Variants in OTUD7B observed in about 807,000 individuals in gnomAD.
OTUD7B encodes the protein OTU deubiquitinase 7B.
Under a neutral mutation model 82.2 loss-of-function variants are expected in OTUD7B, and 34 were observed. That is an observed-to-expected ratio of 0.41 (90% CI 0.31 to 0.55). The LOEUF (loss-of-function observed/expected upper bound fraction) is 0.55. Among genes scored for constraint, OTUD7B ranks in the 20% least tolerant of loss-of-function variants. The probability of loss-of-function intolerance (pLI) is 0.20; values close to 1 mark genes in which losing one functional copy is unlikely to be tolerated. For synonymous variants in OTUD7B, 398 were observed against 402.7 expected (o/e 0.99, Z 0.14); for missense variants, 944 against 1,062.1 (o/e 0.89, Z 1.55).
At chr1:150,014,111 G>T (rs1553788057), upstream of OTUD7B, among the ~76,000 whole-genome samples, 4 of 382 alleles carry the variant, frequency 0.01, no homozygotes, top group South Asian at 0.045. Flanking sequence ...TATATAGTAG[G>T]GGCTCAGCCA....
intron 6 of OTUD7B, among the ~76,000 whole-genome samples, chr1:149,960,504 C>CCTCT (rs1321799742): frequency 2.7e-5 from 4 of 150,174 alleles, no homozygotes; most frequent in South Asian, 2.1e-4. Context: ...CCTGCCTCAG[C>CCTCT]CTCTCGAGTA....
the OTUD7B span, among the ~76,000 whole-genome samples, chr1:150,064,765 C>T: frequency 6.6e-6 from 1 of 152,168 alleles, no homozygotes; most frequent in Non-Finnish European, 1.5e-5. Context: ...TTACTTCCTT[C>T]CTATCCATGG....
chr1:150,044,619 G>A, the OTUD7B span, among the ~76,000 whole-genome samples: 19 of 150,246 alleles, frequency 1.3e-4, no homozygotes, highest in Non-Finnish European at 2.5e-4. Context: ...GCAGTGAGCC[G>A]AGATCACACC....
chr1:150,036,224 G>T, the OTUD7B span, among the ~76,000 whole-genome samples: 3 of 149,358 alleles, frequency 2.0e-5, no homozygotes, highest in African/African-American at 7.4e-5. Context: ...AAAGTGCTGG[G>T]ATTACTGGCA....
At chr1:149,949,415 G>T (rs12082035) in intron 9 of OTUD7B, among the ~76,000 whole-genome samples, 7,507 of 151,624 alleles carry the variant, frequency 0.05, 642 homozygotes, top group African/African-American at 0.17. Flanking sequence ...TTAATCATAA[G>T]CCTTTACTCC....
intron 1 of OTUD7B, among the ~76,000 whole-genome samples, chr1:150,000,227 A>G (rs1553784408): frequency 6.6e-6 from 1 of 152,004 alleles, no homozygotes; most frequent in Non-Finnish European, 1.5e-5. Context: ...GTAATCCAAC[A>G]CTTTGGGAGA....
At chr1:150,037,364 G>T in the OTUD7B span, among the ~76,000 whole-genome samples, 22 of 151,596 alleles carry the variant, frequency 1.5e-4, no homozygotes, top group East Asian at 3.9e-3. Flanking sequence ...CACTAAAATG[G>T]CAGTAAAGGC....
the OTUD7B span, among the ~76,000 whole-genome samples, chr1:150,020,862 A>G: frequency 6.6e-6 from 1 of 152,164 alleles, no homozygotes; most frequent in East Asian, 1.9e-4. Flanking sequence ...CACCTAAATA[A>G]CAACTGACAC....
chr1:149,980,310 G>A (rs587599741), intron 1 of OTUD7B, among the ~76,000 whole-genome samples: 1 of 151,776 alleles, frequency 6.6e-6, no homozygotes, highest in South Asian at 2.1e-4. Flanking sequence ...GGTGCATGCT[G>A]TGGACCCTGA....
In OTUD7B at chr1:149,967,283, C is replaced by T. The variant is rs782071860; in HGVS notation, c.502+11G>A. The T allele has an allele frequency of 1.9e-6, 3 of 1,588,572 alleles. No individual in the cohort carries two copies. The highest frequency in any genetic ancestry group is 1.7e-6 in the Non-Finnish European group (2 of 1,157,724). On this transcript the variant is annotated intron_variant, in intron 4 of 11. Transcript: ENST00000581312. Reference sequence around the variant, plus strand: ...AGAGGGAAGAGTGTGGGAGAGGAAGCACTCACTGACCTGCCTGTTCCAAGG... The same window carrying T: ...AGAGGGAAGAGTGTGGGAGAGGAAGTACTCACTGACCTGCCTGTTCCAAGG...
chr1:150,006,913 T>C (rs189475714), intron 1 of OTUD7B, among the ~76,000 whole-genome samples: 38 of 152,328 alleles, frequency 2.5e-4, no homozygotes, highest in African/African-American at 8.9e-4. Context: ...CCTGATTCCT[T>C]GTCCCTGAGT....
chr1:149,944,749 G>A lies in OTUD7B; in HGVS notation c.1640C>T (p.Thr547Ile). The stretch of plus-strand genomic sequence containing the variant: ...TGAGTTTTTCTTCTTCTTCTCCAGT[G>A]TCTCAGTGCCGCTGCTTCCTCCCAA... ...TGLGGSSGTETLEKKKKNSLK... is the reference protein window; with the variant it reads ...TGLGGSSGTEILEKKKKNSLK... The change falls in exon 12 of 12, where the codon ACA (threonine) becomes ATA (isoleucine). Residue 547 changes from threonine to isoleucine, a missense_variant. Physicochemically the swap from Thr to Ile is moderately conservative, Grantham distance 89. Transcript: ENST00000581312. The A allele has an allele frequency of 6.2e-7, 1 of 1,613,806 alleles. No individual in the cohort carries two copies. The highest frequency in any genetic ancestry group is 8.5e-7 in the Non-Finnish European group (1 of 1,179,992).
intron 5 of OTUD7B, among the ~76,000 whole-genome samples, chr1:149,965,179 C>T (rs1259363097): frequency 6.6e-6 from 1 of 152,164 alleles, no homozygotes; most frequent in Non-Finnish European, 1.5e-5. Context: ...AGGCGTGAGC[C>T]ATTGAGCCCA....
chr1:149,984,029 T>C (rs1203952447), intron 1 of OTUD7B, among the ~76,000 whole-genome samples: 35 of 152,200 alleles, frequency 2.3e-4, no homozygotes, highest in Non-Finnish European at 1.5e-5. Flanking sequence ...GGATCCCACA[T>C]TCTAACTTCC....
At chr1:150,055,144 TCTC>T in the OTUD7B span, 1 of 152,038 alleles carries the variant, frequency 6.6e-6, no homozygotes, top group Non-Finnish European at 1.5e-5. Context: ...TTCACGCCAT[TCTC>T]CTGCCTCAGT....
intron 7 of OTUD7B, among the ~76,000 whole-genome samples, chr1:149,957,971 T>C (rs1553774892): frequency 6.6e-6 from 1 of 152,220 alleles, no homozygotes; most frequent in Non-Finnish European, 1.5e-5. Context: ...ATTCTCCAAC[T>C]CCTTGTGCTT....
rs964668384 is a variant in OTUD7B, at chr1:149,947,231, G to A, written c.1323+20C>T. 4 of 1,387,408 alleles carry A rather than the reference G, an allele frequency of 2.9e-6. No homozygotes were observed. The East Asian group carries it at 6.9e-5, about 24-fold the overall frequency. 85.9% of individuals were successfully genotyped at this position (1,387,408 alleles called of 1,614,324 possible). ...AATGAAATGAAGACACACCAGGGTA[G>A]ATGTGGGAGAAGTCTTCACCTGTGC... On this transcript the variant is annotated intron_variant, in intron 11 of 11. Transcript: ENST00000581312.
chr1:149,998,900 A>G (rs1652089621), intron 1 of OTUD7B, among the ~76,000 whole-genome samples: 1 of 152,204 alleles, frequency 6.6e-6, no homozygotes, highest in Admixed American at 6.5e-5. Context: ...ATGCTATATG[A>G]TATTAGATAT....
the OTUD7B span, among the ~76,000 whole-genome samples, chr1:150,021,148 CT>C: frequency 6.6e-6 from 1 of 152,218 alleles, no homozygotes; most frequent in Non-Finnish European, 1.5e-5. Flanking sequence ...ACACACACCC[CT>C]AACAATTGTT....
Sources: gnomAD v4.1 joint callset for allele counts (sites outside exome capture counted in the v4.1 genomes callset) on GRCh38, gnomAD v4.1.1 for gene constraint, MANE v1.5 for transcripts, NCBI Gene and HGNC (gene_info 2026-07-23, HGNC 2026-07-21) for gene names.